The following MOB3B variants were observed in gnomAD, a reference collection of about 807,000 sequenced individuals.
MOB3B encodes MOB kinase activator-like 2B.
Under a neutral mutation model 18.7 loss-of-function variants are expected in MOB3B, and 7 were observed. That is an observed-to-expected ratio of 0.37 (90% CI 0.21 to 0.70). The LOEUF (loss-of-function observed/expected upper bound fraction) is 0.70. Ranked by LOEUF, MOB3B falls within the 30% of genes least tolerant of loss-of-function variation. The probability of loss-of-function intolerance (pLI) is 0.52; values close to 1 mark genes in which losing one functional copy is unlikely to be tolerated. For synonymous variants in MOB3B, 111 were observed against 99.9 expected, an observed-to-expected ratio of 1.11 and a Z score of -0.66; for missense variants, 253 against 281.3, an observed-to-expected ratio of 0.90 and a Z score of 0.72.
chr9:27,431,239 CA>C (rs1391695774), intron 2 of MOB3B, among the ~76,000 whole-genome samples: 1 of 152,048 alleles, frequency 6.6e-6, no homozygotes, highest in Non-Finnish European at 1.5e-5. Context: ...TCCAAAGAAA[CA>C]AAAGTTAAAC....
intron 2 of MOB3B, among the ~76,000 whole-genome samples, chr9:27,442,654 C>T (rs990072790): frequency 1.3e-5 from 2 of 152,198 alleles, no homozygotes; most frequent in African/African-American, 4.8e-5. Flanking sequence ...CTCCTGAGCC[C>T]TGGTAACACC....
intron 3 of MOB3B, among the ~76,000 whole-genome samples, chr9:27,340,087 AG>A (rs1412558833): frequency 6.6e-6 from 1 of 152,262 alleles, no homozygotes; most frequent in Non-Finnish European, 1.5e-5. Flanking sequence ...AATAGAAACA[AG>A]GCAGGCCAGA....
rs955507004 is a variant in MOB3B, at chr9:27,385,606, A to G, written c.419-26370T>C. ...GGAGAGCTGTTGGGAGACTTAATTTATTAATGTCTATAAAGCCTTCAGGAA... is the reference window on the plus strand; with the variant it reads ...GGAGAGCTGTTGGGAGACTTAATTTGTTAATGTCTATAAAGCCTTCAGGAA... On this transcript the variant is annotated intron_variant, in intron 2 of 3. Transcript: ENST00000262244. 5.9e-5 allele frequency among the ~76,000 whole-genome samples: 9 copies of G among 152,274 alleles called. No individual in the cohort carries two copies. In the South Asian group the frequency reaches 1.5e-3, roughly 25 times the overall value.
At chr9:27,464,224 G>A (rs1025979765) in intron 1 of MOB3B, among the ~76,000 whole-genome samples, 1 of 152,108 alleles carries the variant, frequency 6.6e-6, no homozygotes, top group Non-Finnish European at 1.5e-5. Flanking sequence ...TGGTAGGGGT[G>A]GGGGGCACGG....
Position 27,330,519 on chromosome 9 carries a change from C to T in MOB3B, c.*68G>A. 6.2e-7 allele frequency: 1 copy of T among 1,607,956 alleles called. No homozygotes were observed. The highest frequency in any genetic ancestry group is 2.2e-5 in the East Asian group (1 of 44,778). On this transcript the variant is annotated 3_prime_UTR_variant, in exon 4 of 4. Transcript: ENST00000262244. ...GTGTGTCATTTCAGCCAGGGTGGTC[C>T]ACCTCCTGCCCGCTCAGGGCACCAG...
chr9:27,445,805 A>G (rs150067476), intron 2 of MOB3B, among the ~76,000 whole-genome samples: 275 of 152,172 alleles, frequency 1.8e-3, no homozygotes, highest in African/African-American at 5.7e-3. Context: ...GGTAATCTTC[A>G]GCTGCACCAG....
rs781031539 is a variant in MOB3B, at chr9:27,455,256, G to A, written c.295C>T (p.Arg99Trp). The change falls in exon 2 of 4, where the codon CGG becomes TGG. Residue 99 changes from arginine to tryptophan, a missense_variant. By Grantham distance (101) the Arg-to-Trp change is moderately radical. Transcript: ENST00000262244. ...VMSGGPKYEY[R>W]WQDDLKYKKP... The stretch of plus-strand genomic sequence containing the variant: ...TTATACTTGAGATCATCCTGCCACC[G>A]ATACTCATATTTGGGGCCCCCTGAC... 19 of 1,613,992 alleles carry A rather than the reference G, an allele frequency of 1.2e-5. No homozygotes were observed. The highest frequency in any genetic ancestry group is 9.3e-5 in the African/African-American group (7 of 74,922).
chr9:27,494,046 C>T (rs1434030612), intron 1 of MOB3B, among the ~76,000 whole-genome samples: 1 of 152,194 alleles, frequency 6.6e-6, no homozygotes, highest in Non-Finnish European at 1.5e-5. Context: ...AGCCCCCACC[C>T]AGGTGCACCT....
chr9:27,349,158 T>C (rs1821071932), intron 3 of MOB3B, among the ~76,000 whole-genome samples: 1 of 152,264 alleles, frequency 6.6e-6, no homozygotes, highest in Non-Finnish European at 1.5e-5. Context: ...GAATTAATAC[T>C]AATTAGTATT....
chr9:27,342,437 C>T (rs911307198), intron 3 of MOB3B, among the ~76,000 whole-genome samples: 3 of 151,522 alleles, frequency 2.0e-5, no homozygotes, highest in Admixed American at 6.6e-5. Context: ...CCTCTCCCTC[C>T]CCCTCCCCCT....
At chr9:27,440,639 GT>G (rs1165755534) in intron 2 of MOB3B, among the ~76,000 whole-genome samples, 1 of 152,144 alleles carries the variant, frequency 6.6e-6, no homozygotes, top group African/African-American at 2.4e-5. Context: ...GATATTTTCT[GT>G]GTGTGTATCA....
intron 2 of MOB3B, among the ~76,000 whole-genome samples, chr9:27,442,550 C>G (rs1723351224): frequency 6.6e-6 from 1 of 152,222 alleles, no homozygotes; most frequent in Admixed American, 6.5e-5. Context: ...GGGAAGCAGA[C>G]AGCCAGGTAT....
intron 1 of MOB3B, among the ~76,000 whole-genome samples, chr9:27,459,537 G>C (rs1819246721): frequency 6.6e-6 from 1 of 152,058 alleles, no homozygotes; most frequent in Non-Finnish European, 1.5e-5. Flanking sequence ...GCTGAGTAAA[G>C]GAATGAATAA....
chr9:27,518,242 G>A (rs1820269697), intron 1 of MOB3B, among the ~76,000 whole-genome samples: 1 of 145,044 alleles, frequency 6.9e-6, no homozygotes, highest in Admixed American at 6.7e-5. Context: ...CCCAAGACAA[G>A]AGGACATTTC....
chr9:27,509,648 C>T (rs1206059809), intron 1 of MOB3B, among the ~76,000 whole-genome samples: 2 of 151,944 alleles, frequency 1.3e-5, no homozygotes, highest in African/African-American at 4.8e-5. Flanking sequence ...AACTCCTGAC[C>T]TCAAGTGCTC....
chr9:27,433,704 T>C (rs1330031887), intron 2 of MOB3B, among the ~76,000 whole-genome samples: 2 of 152,124 alleles, frequency 1.3e-5, no homozygotes, highest in African/African-American at 2.4e-5. Flanking sequence ...CTGTGATTTA[T>C]AGATGAGAAT....
chr9:27,369,063 C>T (rs1052234406), intron 2 of MOB3B, among the ~76,000 whole-genome samples: 1 of 152,152 alleles, frequency 6.6e-6, no homozygotes, highest in South Asian at 2.1e-4. Context: ...TAAACCTGAC[C>T]AGTTTGCTGA....
At chr9:27,474,088 G>C (rs756793804) in intron 1 of MOB3B, among the ~76,000 whole-genome samples, 1 of 152,152 alleles carries the variant, frequency 6.6e-6, no homozygotes, top group Non-Finnish European at 1.5e-5. Flanking sequence ...AAGCCACCCA[G>C]TCTAAGGTAT....
At chr9:27,443,576 T>C (rs905518537) in intron 2 of MOB3B, among the ~76,000 whole-genome samples, 2 of 152,204 alleles carry the variant, frequency 1.3e-5, no homozygotes, top group Non-Finnish European at 2.9e-5. Flanking sequence ...TTTACAGCTT[T>C]TCACTTTTTC....
Sources: gnomAD v4.1 joint callset for allele counts (sites outside exome capture counted in the v4.1 genomes callset) on GRCh38, gnomAD v4.1.1 for gene constraint, MANE v1.5 for transcripts, NCBI Gene and HGNC (gene_info 2026-07-23, HGNC 2026-07-21) for gene names.